RGS7: variants seen among roughly 807,000 people sequenced by gnomAD.
RGS7 encodes the protein regulator of G protein signaling 7.
In RGS7, 27 loss-of-function variants were observed where a neutral mutation model predicts 81.1. That is an observed-to-expected ratio of 0.33 (90% CI 0.25 to 0.46). The LOEUF (loss-of-function observed/expected upper bound fraction) is 0.46. Ranked by LOEUF, RGS7 falls within the 20% of genes least tolerant of loss-of-function variation. The pLI, the probability that RGS7 is intolerant of heterozygous loss-of-function variation, is 1.00. For missense variants in RGS7, 396 were observed against 607.4 expected (o/e 0.65, Z 3.66); for synonymous variants, 208 against 207.7 (o/e 1.00, Z -0.01).
intron 18 of RGS7, among the ~76,000 whole-genome samples, chr1:240,791,853 T>C (rs1474537188): frequency 1.3e-5 from 2 of 152,198 alleles, no homozygotes; most frequent in Non-Finnish European, 2.9e-5. Context: ...ATAAAAATAA[T>C]GTGCAAATAT....
At chr1:241,030,056 A>G (rs1056954298) in intron 3 of RGS7, among the ~76,000 whole-genome samples, 1 of 152,158 alleles carries the variant, frequency 6.6e-6, no homozygotes, top group African/African-American at 2.4e-5. Context: ...AGATTATTTG[A>G]TTAAACTATT....
rs192344388 is a variant in RGS7 at position 241,164,212 on chromosome 1, C to T, written c.79-65450G>A. On this transcript the variant is annotated intron_variant, in intron 2 of 18. Coordinates refer to ENST00000440928, the MANE Select transcript of RGS7 (RefSeq NM_001364886.1). This position sits in a 1 kb window ranked among gnomAD's most constrained non-coding sequence, Gnocchi z 4.1. ...GAGCTTCCATGACCTTCCTGAATGG[C>T]TCCACCCTCCAGGAACTGCCACATG... is the stretch of plus-strand genomic sequence containing the variant. Among the ~76,000 whole-genome samples the T allele has an allele frequency of 2.8e-4, 43 of 151,462 alleles. No homozygotes were observed. The highest frequency in any genetic ancestry group is 9.4e-4 in the African/African-American group (39 of 41,322).
chr1:241,176,663 C>G (rs559770469), intron 2 of RGS7, among the ~76,000 whole-genome samples: 1 of 152,218 alleles, frequency 6.6e-6, no homozygotes, highest in South Asian at 2.1e-4. Context: ...TCAAAGCTCA[C>G]ACATTCTGCA....
At chr1:241,243,552 A>C (rs1193329024) in intron 2 of RGS7, among the ~76,000 whole-genome samples, 1 of 152,180 alleles carries the variant, frequency 6.6e-6, no homozygotes, top group Non-Finnish European at 1.5e-5. Context: ...GCTTGCAAGG[A>C]GGGGAAAAGA....
At chr1:241,098,361 T>C (rs2064450826) in intron 3 of RGS7, among the ~76,000 whole-genome samples, 1 of 152,230 alleles carries the variant, frequency 6.6e-6, no homozygotes, top group South Asian at 2.1e-4. Context: ...TTCACCCTCC[T>C]AATTTCCATA....
At chr1:240,840,565 G>A (rs567319219) in intron 9 of RGS7, among the ~76,000 whole-genome samples, 35 of 152,292 alleles carry the variant, frequency 2.3e-4, no homozygotes, top group African/African-American at 7.7e-4. Context: ...GACCCACTGC[G>A]CCCGGCCTCA....
chr1:240,901,569 C>T (rs970552933), intron 6 of RGS7, among the ~76,000 whole-genome samples: 1 of 152,184 alleles, frequency 6.6e-6, no homozygotes, highest in African/African-American at 2.4e-5. Flanking sequence ...TTCCTGACAT[C>T]ATACTTACGC....
chr1:240,999,863 A>G (rs994541325), intron 3 of RGS7, among the ~76,000 whole-genome samples: 2 of 152,144 alleles, frequency 1.3e-5, no homozygotes, highest in African/African-American at 4.8e-5. Flanking sequence ...TCGGCCTATC[A>G]AAGTGCTGCG....
intron 6 of RGS7, among the ~76,000 whole-genome samples, chr1:240,927,056 TTTTG>T (rs1329451271): frequency 3.5e-5 from 5 of 141,098 alleles, no homozygotes; most frequent in African/African-American, 7.8e-5. Context: ...AACTGGTTTT[TTTTG>T]TTTTGTTTTG....
At chr1:241,080,412 G>C (rs564483219) in intron 3 of RGS7, among the ~76,000 whole-genome samples, 6 of 151,980 alleles carry the variant, frequency 3.9e-5, no homozygotes, top group Non-Finnish European at 8.8e-5. Context: ...TATCTGATAA[G>C]AAAACCTATG....
intron 5 of RGS7, among the ~76,000 whole-genome samples, chr1:240,935,471 G>A (rs936196606): frequency 2.0e-5 from 3 of 152,012 alleles, no homozygotes; most frequent in African/African-American, 4.8e-5. Context: ...TTTAAGTTAC[G>A]TAATTTAACT....
At chr1:240,963,265 C>T (rs976861808) in intron 4 of RGS7, among the ~76,000 whole-genome samples, 1 of 152,098 alleles carries the variant, frequency 6.6e-6, no homozygotes, top group African/African-American at 2.4e-5. Context: ...CATGAAACGT[C>T]CAAGTAGAGA....
chr1:240,786,805 C>T (rs1685154489), intron 18 of RGS7, among the ~76,000 whole-genome samples: 2 of 152,174 alleles, frequency 1.3e-5, no homozygotes, highest in African/African-American at 4.8e-5. Context: ...ATTCGTATAA[C>T]ATTCCAACAG....
At chr1:241,050,976 G>A (rs2061218715) in intron 3 of RGS7, among the ~76,000 whole-genome samples, 2 of 152,062 alleles carry the variant, frequency 1.3e-5, no homozygotes, top group African/African-American at 4.8e-5. Flanking sequence ...GATTTTTGAT[G>A]GTGAGGGAGA....
chr1:241,267,484 A>C (rs974274596), intron 2 of RGS7, among the ~76,000 whole-genome samples: 16 of 151,648 alleles, frequency 1.1e-4, no homozygotes, highest in African/African-American at 3.6e-4. Flanking sequence ...TCTCTCTTTC[A>C]ATTTTTGGGG....
intron 2 of RGS7, among the ~76,000 whole-genome samples, chr1:241,124,253 G>A (rs1426540686): frequency 6.6e-6 from 1 of 150,992 alleles, no homozygotes; most frequent in Admixed American, 6.6e-5. Flanking sequence ...AAATTAGCCA[G>A]ACATAGTGCT....
intron 7 of RGS7, 129 bp downstream of exon 7, chr1:240,869,926 G>A: frequency 1.2e-6 from 1 of 856,664 alleles, no homozygotes; most frequent in East Asian, 2.5e-5. Flanking sequence ...GGTGACAAGA[G>A]TGAAACTCCA....
chr1:241,193,535 T>A (rs1205780615), intron 2 of RGS7, among the ~76,000 whole-genome samples: 1 of 152,248 alleles, frequency 6.6e-6, no homozygotes, highest in Admixed American at 6.5e-5. Context: ...ACACCACATT[T>A]GGATATAGTG....
intron 9 of RGS7, among the ~76,000 whole-genome samples, chr1:240,827,882 A>AC (rs1693151561): frequency 6.7e-6 from 1 of 149,852 alleles, no homozygotes; most frequent in African/African-American, 2.5e-5. Context: ...AAAAAAAAAA[A>AC]AAAAAACAGG....
Sources: gnomAD v4.1 joint callset for allele counts (sites outside exome capture counted in the v4.1 genomes callset) on GRCh38, gnomAD v4.1.1 for gene constraint, Gnocchi (gnomAD v3.1) non-coding constraint, MANE v1.5 for transcripts, NCBI Gene and HGNC (gene_info 2026-07-23, HGNC 2026-07-21) for gene names.